The following KSR2 variants were observed in gnomAD, a reference collection of about 807,000 sequenced individuals.
The protein encoded by KSR2 is kinase suppressor of ras 2.
Under a neutral mutation model 107.8 loss-of-function variants are expected in KSR2, and 25 were observed. The ratio of observed to expected loss-of-function variants is 0.23; its 90% CI spans 0.17 to 0.32. The LOEUF is 0.32. KSR2 is among the 10% of genes least tolerant of loss of function. The probability of loss-of-function intolerance (pLI) is 1.00; values close to 1 mark genes in which losing one functional copy is unlikely to be tolerated. For missense variants in KSR2, 887 were observed against 1,268.9 expected, an observed-to-expected ratio of 0.70 and a Z score of 4.57; for synonymous variants, 480 against 507.0, an observed-to-expected ratio of 0.95 and a Z score of 0.71.
At chr12:117,963,364 C>T (rs1429505206) in intron 1 of KSR2, among the ~76,000 whole-genome samples, 1 of 152,160 alleles carries the variant, frequency 6.6e-6, no homozygotes, top group Non-Finnish European at 1.5e-5. Flanking sequence ...AGGCTGCCAT[C>T]CAAGGCAGGC....
chr12:117,857,584 C>T (rs975246583), intron 2 of KSR2, among the ~76,000 whole-genome samples: 4 of 152,112 alleles, frequency 2.6e-5, no homozygotes, highest in Non-Finnish European at 4.4e-5. Context: ...GCCAAAAGGG[C>T]AGACACACCT....
At chr12:117,491,744 T>A (rs1434159367) in intron 14 of KSR2, among the ~76,000 whole-genome samples, 1 of 152,194 alleles carries the variant, frequency 6.6e-6, no homozygotes, top group Admixed American at 6.5e-5. Context: ...TCTGGATAAA[T>A]ACCCAATCGT....
At chr12:117,473,338 TTAA>T (rs1339449442) in intron 17 of KSR2, among the ~76,000 whole-genome samples, 4 of 152,164 alleles carry the variant, frequency 2.6e-5, no homozygotes, top group Admixed American at 2.0e-4. Context: ...GGCATTATTA[TTAA>T]TATTATCCGC....
In KSR2 at chr12:117,581,342, C is replaced by T. The variant is rs149269439; in HGVS notation, c.1241+948G>A. Reference sequence around the variant, plus strand: ...CTAGACCACGAGCTCCCCAAGGGAACAGGCCTTATGTCTTGGTCAGAGCTG... The same window carrying T: ...CTAGACCACGAGCTCCCCAAGGGAATAGGCCTTATGTCTTGGTCAGAGCTG... On this transcript the variant is annotated intron_variant, in intron 6 of 19. Transcript: ENST00000339824. 2.9e-3 allele frequency among the ~76,000 whole-genome samples: 441 copies of T among 152,238 alleles called. 4 individuals are homozygous for T. The highest frequency in any genetic ancestry group is 0.01 in the African/African-American group (423 of 41,532).
At chr12:117,719,450 C>T (rs917361054) in intron 4 of KSR2, among the ~76,000 whole-genome samples, 1 of 152,206 alleles carries the variant, frequency 6.6e-6, no homozygotes, top group Non-Finnish European at 1.5e-5. Flanking sequence ...CCCACCTTGG[C>T]CTCCCAAAGT....
At chr12:117,613,460 C>T (rs1881711478) in intron 5 of KSR2, among the ~76,000 whole-genome samples, 1 of 152,162 alleles carries the variant, frequency 6.6e-6, no homozygotes, top group Non-Finnish European at 1.5e-5. Flanking sequence ...GGTTTTGCCA[C>T]CCGAGGCTGA....
intron 3 of KSR2, among the ~76,000 whole-genome samples, chr12:117,831,012 G>A (rs1269344681): frequency 6.6e-6 from 1 of 152,116 alleles, no homozygotes; most frequent in Non-Finnish European, 1.5e-5. Flanking sequence ...CATGTCCCCA[G>A]ATCCAACTTC....
rs184748632 is a variant in KSR2 at position 117,791,038 on chromosome 12, A to G, written c.473-29514T>C. 8.3e-4 allele frequency among the ~76,000 whole-genome samples: 127 copies of G among 152,248 alleles called. 1 individual carries two copies. The highest frequency in any genetic ancestry group is 3.0e-3 in the African/African-American group (124 of 41,562). On this transcript the variant is annotated intron_variant, in intron 3 of 19. Coordinates refer to ENST00000339824, the MANE Select transcript of KSR2 (RefSeq NM_173598.6). ...AACCTTAATGGCTCCCTATTCCCTT[A>G]GAATCCAAATTCTTGCTAATTGCCT...
intron 4 of KSR2, among the ~76,000 whole-genome samples, chr12:117,755,336 C>T (rs1012820243): frequency 2.6e-5 from 4 of 152,238 alleles, no homozygotes; most frequent in Non-Finnish European, 2.9e-5. Flanking sequence ...GCAAGCCTCT[C>T]GCTGCCACGT....
At position 117,465,545 on chromosome 12, in the gene KSR2, C is replaced by T. The variant is rs1402738129; in HGVS notation, c.*1654G>A. ...CAGGTTTGGCCCCCAGAGCATGAAC[C>T]AGTCTGGGAGTCACCCAAGGTGGGG... On this transcript the variant is annotated 3_prime_UTR_variant, in exon 20 of 20. Coordinates refer to ENST00000339824, the MANE Select transcript of KSR2 (RefSeq NM_173598.6). The T allele has an allele frequency of 6.6e-6, 1 of 152,214 alleles. No homozygotes were observed. Among genetic ancestry groups the T allele is most frequent in the African/African-American group, 2.4e-5 (1 of 41,446 alleles). The allele number at this position is 152,214 out of a possible 1,614,324, so 9.4% of individuals were successfully genotyped here. A position where few individuals can be genotyped will look rare whatever the true frequency, so the allele number is the denominator to read the frequency against.
chr12:117,562,409 C>A, intron 7 of KSR2, among the ~76,000 whole-genome samples: 1 of 152,112 alleles, frequency 6.6e-6, no homozygotes, highest in Non-Finnish European at 1.5e-5. Context: ...AATCTGATGT[C>A]AAAGGGGAGT....
At chr12:117,779,046 C>A (rs1265946375) in intron 3 of KSR2, among the ~76,000 whole-genome samples, 1 of 152,112 alleles carries the variant, frequency 6.6e-6, no homozygotes, top group Non-Finnish European at 1.5e-5. Context: ...CCAGCACCTG[C>A]CCCGGTTTCC....
chr12:117,904,388 C>T (rs924671248), intron 1 of KSR2, among the ~76,000 whole-genome samples: 1 of 152,198 alleles, frequency 6.6e-6, no homozygotes, highest in Admixed American at 6.5e-5. Flanking sequence ...TCTCAGCCAA[C>T]CAGGTGGAGA....
intron 4 of KSR2, among the ~76,000 whole-genome samples, chr12:117,734,280 C>CA (rs10541802): frequency 7.5e-4 from 77 of 103,244 alleles, no homozygotes; most frequent in East Asian, 6.8e-3. Context: ...GACTCTGTCT[C>CA]AAAAAAAAAA....
At chr12:117,608,260 C>T (rs1339564625) in intron 5 of KSR2, among the ~76,000 whole-genome samples, 1 of 152,212 alleles carries the variant, frequency 6.6e-6, no homozygotes, top group African/African-American at 2.4e-5. Flanking sequence ...TCCTTGAAGA[C>T]ATGGCTGTGT....
intron 16 of KSR2, among the ~76,000 whole-genome samples, chr12:117,483,897 C>A (rs1331234685): frequency 6.6e-6 from 1 of 152,178 alleles, no homozygotes; most frequent in East Asian, 1.9e-4. Flanking sequence ...CATCAACAAA[C>A]CTACCACTTT....
intron 14 of KSR2, among the ~76,000 whole-genome samples, chr12:117,496,853 A>ATT (rs879774490): frequency 2.7e-4 from 39 of 143,260 alleles, no homozygotes; most frequent in African/African-American, 8.6e-4. Flanking sequence ...CTGAACAGAG[A>ATT]TTTTTTTTTT....
At chr12:117,944,190 AAC>A (rs755719069) in intron 1 of KSR2, among the ~76,000 whole-genome samples, 9 of 152,042 alleles carry the variant, frequency 5.9e-5, no homozygotes, top group Non-Finnish European at 1.2e-4. Flanking sequence ...CAGCCTGACC[AAC>A]ATGGAGAAAG....
intron 3 of KSR2, among the ~76,000 whole-genome samples, chr12:117,827,317 C>T (rs947575135): frequency 1.3e-5 from 2 of 152,164 alleles, no homozygotes; most frequent in Non-Finnish European, 2.9e-5. Context: ...CTCTCCCTTC[C>T]CATCTATAAG....
Sources: gnomAD v4.1 joint callset for allele counts (sites outside exome capture counted in the v4.1 genomes callset) on GRCh38, gnomAD v4.1.1 for gene constraint, MANE v1.5 for transcripts, NCBI Gene and HGNC (gene_info 2026-07-23, HGNC 2026-07-21) for gene names.